HECW1: variants seen among roughly 807,000 people sequenced by gnomAD.
HECW1 encodes HECT, C2 and WW domain containing E3 ubiquitin protein ligase 1, also known as E3 ubiquitin-protein ligase HECW1.
In HECW1, 61 loss-of-function variants were observed where a neutral mutation model predicts 182.3. The ratio of observed to expected loss-of-function variants is 0.33; its 90% CI spans 0.27 to 0.41. HECW1 has a LOEUF of 0.41. Ranked by LOEUF, HECW1 falls within the 10% of genes least tolerant of loss-of-function variation. The pLI is 1.00. For missense variants in HECW1, 1,739 were observed against 2,108.9 expected (o/e 0.82, Z 3.44); for synonymous variants, 859 against 832.6 (o/e 1.03, Z -0.55).
intron 7 of HECW1, among the ~76,000 whole-genome samples, chr7:43,402,013 G>T (rs1421239737): frequency 6.6e-6 from 1 of 152,034 alleles, no homozygotes; most frequent in Non-Finnish European, 1.5e-5. Context: ...AGGTCGAAGA[G>T]GAGATTGGCC....
intron 8 of HECW1, among the ~76,000 whole-genome samples, chr7:43,430,779 TTTA>T (rs150459406): frequency 2.1e-5 from 3 of 141,702 alleles, no homozygotes; most frequent in African/African-American, 7.8e-5. Flanking sequence ...TTTATTTTTC[TTTA>T]TTATTATTAT....
At chr7:43,487,303 G>A (rs1476773776) in intron 17 of HECW1, among the ~76,000 whole-genome samples, 1 of 152,200 alleles carries the variant, frequency 6.6e-6, no homozygotes, top group Non-Finnish European at 1.5e-5. Flanking sequence ...ACCAGTTGCT[G>A]AAAACTATTT....
intron 2 of HECW1, among the ~76,000 whole-genome samples, chr7:43,159,079 A>T (rs1790208458): frequency 6.6e-6 from 1 of 152,116 alleles, no homozygotes; most frequent in South Asian, 2.1e-4. Context: ...TGCAGTAAAC[A>T]TTCACGCCAT....
chr7:43,462,549 C>T (rs2077623098), intron 13 of HECW1, among the ~76,000 whole-genome samples: 1 of 152,122 alleles, frequency 6.6e-6, no homozygotes, highest in South Asian at 2.1e-4. Flanking sequence ...TACACCAAAC[C>T]TACTGAATCG....
intron 3 of HECW1, among the ~76,000 whole-genome samples, chr7:43,286,676 A>C (rs1468846394): frequency 6.6e-6 from 1 of 151,416 alleles, no homozygotes; most frequent in Admixed American, 6.6e-5. Context: ...ACTGCCACCC[A>C]CCCCCCCAAA....
rs1788512824 is a variant in HECW1, at chr7:43,144,688, T to TTTATTTTCTAGAGCACTTTC, written c.-32+30304_-32+30323dup. ...GTTTTCTTGTTTCTTTGTCTGTTGC[T>TTTATTTTCTAGAGCACTTTC]TTATTTTCTAGAGCACTTTCTTATT... On this transcript the variant is annotated intron_variant, in intron 2 of 29. Transcript: ENST00000395891. Among the ~76,000 whole-genome samples the TTTATTTTCTAGAGCACTTTC allele has an allele frequency of 2.0e-5, 3 of 152,300 alleles. No homozygotes were observed. In the East Asian group the frequency reaches 5.8e-4, roughly 29 times the overall value.
At position 43,349,003 on chromosome 7, in the gene HECW1, TTC is replaced by T. The variant is rs368305061; in HGVS notation, c.461-11881_461-11880del. Among the ~76,000 whole-genome samples, 22 of 151,734 alleles carry T rather than the reference TTC, an allele frequency of 1.4e-4. No homozygotes were observed. In the East Asian group the frequency reaches 2.9e-3, roughly 20 times the overall value. On this transcript the variant is annotated intron_variant, in intron 5 of 29. Transcript: ENST00000395891. The stretch of plus-strand genomic sequence containing the variant: ...TGTTCTGTGTTTGTTGAATGAAATG[TTC>T]TTTTTTTTCTTCGTTTTTGTTTTTG...
chr7:43,336,160 C>CTT (rs1562853945), intron 5 of HECW1, among the ~76,000 whole-genome samples: 1 of 99,756 alleles, frequency 1.0e-5, no homozygotes, highest in Non-Finnish European at 1.9e-5. Flanking sequence ...CTCTCTCTCT[C>CTT]TCTCTCTCTC....
intron 2 of HECW1, among the ~76,000 whole-genome samples, chr7:43,147,084 G>A (rs1057146894): frequency 6.6e-6 from 1 of 152,192 alleles, no homozygotes; most frequent in African/African-American, 2.4e-5. Context: ...AACTTTTGTT[G>A]TGAAAGACTA....
intron 2 of HECW1, among the ~76,000 whole-genome samples, chr7:43,152,470 G>A (rs1272150024): frequency 6.6e-6 from 1 of 152,142 alleles, no homozygotes. Flanking sequence ...TTGGATAGAA[G>A]TATTTAATTT....
chr7:43,490,941 G>A (rs1366553266), intron 17 of HECW1, among the ~76,000 whole-genome samples: 1 of 151,962 alleles, frequency 6.6e-6, no homozygotes, highest in Non-Finnish European at 1.5e-5. Context: ...GATTTTTAGT[G>A]GAAATGGGGT....
chr7:43,429,795 G>A (rs1019483609), intron 8 of HECW1, among the ~76,000 whole-genome samples: 1 of 152,142 alleles, frequency 6.6e-6, no homozygotes, highest in South Asian at 2.1e-4. Context: ...TAATGGCATT[G>A]GCTGAATGGT....
At chr7:43,246,559 C>A (rs571205172) in intron 3 of HECW1, among the ~76,000 whole-genome samples, 1 of 152,310 alleles carries the variant, frequency 6.6e-6, no homozygotes, top group Non-Finnish European at 1.5e-5. Context: ...GGTTGAGAAA[C>A]ACTAGCTAGA....
At chr7:43,275,164 A>G (rs1243422496) in intron 3 of HECW1, among the ~76,000 whole-genome samples, 4 of 152,188 alleles carry the variant, frequency 2.6e-5, no homozygotes, top group Non-Finnish European at 5.9e-5. Flanking sequence ...TAAAATTAAG[A>G]ATATCTTTAA....
rs552823827 is a variant in HECW1 at position 43,262,155 on chromosome 7, A to T, written c.27+18223A>T. 3.9e-5 allele frequency among the ~76,000 whole-genome samples: 6 copies of T among 152,204 alleles called. No individual in the cohort carries two copies. The South Asian group carries it at 1.2e-3, about 32-fold the overall frequency. ...AGAATTGCTTGAACCCAGGAGATGGAGGTTGCAGTGAGCTGAGATTGCGCC... is the reference window on the plus strand; with the variant it reads ...AGAATTGCTTGAACCCAGGAGATGGTGGTTGCAGTGAGCTGAGATTGCGCC... On this transcript the variant is annotated intron_variant, in intron 3 of 29. Coordinates refer to ENST00000395891, the MANE Select transcript of HECW1 (RefSeq NM_015052.5).
chr7:43,182,501 C>A (rs1792964325), intron 2 of HECW1, among the ~76,000 whole-genome samples: 1 of 152,172 alleles, frequency 6.6e-6, no homozygotes. Context: ...CTATTTTGTT[C>A]CATTGGTCTA....
At chr7:43,199,860 C>T (rs115706196) in intron 2 of HECW1, among the ~76,000 whole-genome samples, 369 of 152,114 alleles carry the variant, frequency 2.4e-3, no homozygotes, top group African/African-American at 8.1e-3. Flanking sequence ...TATATATACA[C>T]GTTTGGTTTG....
At chr7:43,256,502 G>A (rs1020385663) in intron 3 of HECW1, among the ~76,000 whole-genome samples, 1 of 151,628 alleles carries the variant, frequency 6.6e-6, no homozygotes, top group Non-Finnish European at 1.5e-5. Context: ...CCAGCTACTC[G>A]GGAGGCTGAA....
chr7:43,541,197 C>T lies in HECW1; in HGVS notation c.4054C>T (p.Leu1352=). The stretch of plus-strand genomic sequence containing the variant: ...TAGCGGTCGCATCCTGGGTCTGGCT[C>T]TGATCCATCAGTACCTTCTTGACGC... ...RFSGRILGLA[L]IHQYLLDAFF... is the part of the protein sequence containing the mutation. Residue 1352 remains leucine, a synonymous_variant, in exon 25 of 30, where the codon CTG becomes TTG. Transcript: ENST00000395891. 1 of 1,614,230 alleles carries T rather than the reference C, an allele frequency of 6.2e-7. No individual in the cohort carries two copies. The highest frequency in any genetic ancestry group is 8.5e-7 in the Non-Finnish European group (1 of 1,180,028).
Sources: gnomAD v4.1 joint callset for allele counts (sites outside exome capture counted in the v4.1 genomes callset) on GRCh38, gnomAD v4.1.1 for gene constraint, MANE v1.5 for transcripts, NCBI Gene and HGNC (gene_info 2026-07-23, HGNC 2026-07-21) for gene names.